KTN1: variants seen among roughly 807,000 people sequenced by gnomAD.
KTN1 encodes kinectin.
A neutral mutation model predicts 222.5 loss-of-function variants in KTN1; 130 were observed. The observed-to-expected ratio is 0.58, with a 90% CI of 0.51 to 0.68. The LOEUF (loss-of-function observed/expected upper bound fraction) is 0.68. Ranked by LOEUF, KTN1 falls within the 30% of genes least tolerant of loss-of-function variation. The pLI is 0.00. For missense variants in KTN1, 1,508 were observed against 1,500.4 expected, an observed-to-expected ratio of 1.01 and a Z score of -0.08; for synonymous variants, 512 against 496.3, an observed-to-expected ratio of 1.03 and a Z score of -0.42.
intron 2 of KTN1, among the ~76,000 whole-genome samples, chr14:55,614,811 A>G (rs1453644841): frequency 6.6e-6 from 1 of 152,182 alleles, no homozygotes; most frequent in African/African-American, 2.4e-5. Context: ...AAGTTTGCCA[A>G]CTTGTGCTTG....
intron 1 of KTN1, among the ~76,000 whole-genome samples, chr14:55,609,313 C>G (rs567569101): frequency 6.6e-6 from 1 of 152,284 alleles, no homozygotes; most frequent in East Asian, 1.9e-4. Context: ...ATCCATGTCC[C>G]TGCCGAGGAC....
At chr14:55,613,089 A>G (rs1364149430) in intron 2 of KTN1, among the ~76,000 whole-genome samples, 1 of 152,138 alleles carries the variant, frequency 6.6e-6, no homozygotes, top group Non-Finnish European at 1.5e-5. Context: ...CATTTATCAT[A>G]TATCTGTTTT....
intron 33 of KTN1, 43 bp from the exon 34 acceptor site, chr14:55,667,198 T>G (rs769579973): frequency 8.7e-7 from 1 of 1,148,338 alleles, no homozygotes; most frequent in Non-Finnish European, 1.3e-6. Flanking sequence ...TTAAAAACAT[T>G]CTGTGATCTT....
rs2037639959 is a variant in KTN1, at chr14:55,611,954, CTT to C, written c.-30-63_-30-62del. The C allele has an allele frequency of 6.9e-6, 5 of 725,134 alleles. No individual in the cohort carries two copies. The Admixed American group carries it at 9.7e-5, about 14-fold the overall frequency. The allele number at this position is 725,134 out of a possible 1,614,324, so 44.9% of individuals were successfully genotyped here. A position where few individuals can be genotyped will look rare whatever the true frequency, so the allele number is the denominator to read the frequency against. ...CCACTTGAAAGAGCAGCAGTTTTGA[CTT>C]TAATTTTTATGAGACTGACAGGTTC... On this transcript the variant is annotated intron_variant, in intron 1 of 43. Transcript: ENST00000395314.
In KTN1 at chr14:55,684,163, T is replaced by C. The variant is rs1476734478; in HGVS notation, c.*60T>C. 5.9e-6 allele frequency: 8 copies of C among 1,349,380 alleles called. No homozygotes were observed. Among genetic ancestry groups the C allele is most frequent in the Non-Finnish European group, 8.3e-6 (8 of 958,526 alleles). The allele number at this position is 1,349,380 out of a possible 1,614,324, so 83.6% of individuals were successfully genotyped here. A position where few individuals can be genotyped will look rare whatever the true frequency, so the allele number is the denominator to read the frequency against. On this transcript the variant is annotated 3_prime_UTR_variant, in exon 44 of 44. Coordinates refer to ENST00000395314, the MANE Select transcript of KTN1 (RefSeq NM_001079521.2). ...AGGCATTGTATTATATTTTGCCAAA[T>C]TAAAGCCTTATTTATGTTTTCACCC...
chr14:55,595,168 T>A (rs1421407893), intron 1 of KTN1, among the ~76,000 whole-genome samples: 2 of 145,672 alleles, frequency 1.4e-5, no homozygotes, highest in Non-Finnish European at 3.1e-5. Flanking sequence ...TATAGATCTG[T>A]TCCATATGAT....
At chr14:55,630,883 G>C (rs561944408) in intron 7 of KTN1, among the ~76,000 whole-genome samples, 2 of 152,264 alleles carry the variant, frequency 1.3e-5, no homozygotes, top group East Asian at 3.9e-4. Flanking sequence ...GAGAGAATGA[G>C]TTTGAGTATA....
At chr14:55,631,266 C>T (rs1391048164) in intron 7 of KTN1, among the ~76,000 whole-genome samples, 2 of 149,100 alleles carry the variant, frequency 1.3e-5, no homozygotes, top group Non-Finnish European at 3.0e-5. Context: ...CATCTGCTGG[C>T]TGATCCTTCA....
At chr14:55,642,488 A>G (rs959003672) in intron 18 of KTN1, among the ~76,000 whole-genome samples, 4 of 152,180 alleles carry the variant, frequency 2.6e-5, no homozygotes, top group Non-Finnish European at 4.4e-5. Context: ...CTCTTCTTCT[A>G]CGCAGCTCTT....
chr14:55,675,587 G>A (rs766839488), intron 40 of KTN1: 1 of 352,374 alleles, frequency 2.8e-6, no homozygotes, highest in Non-Finnish European at 5.1e-6. Flanking sequence ...GAATTTGATG[G>A]TTTTGTTTTT....
chr14:55,592,948 C>G (rs2034392450), intron 1 of KTN1, among the ~76,000 whole-genome samples: 1 of 152,040 alleles, frequency 6.6e-6, no homozygotes, highest in African/African-American at 2.4e-5. Context: ...GTCTTGGAGG[C>G]TAAGTTTATC....
At chr14:55,603,002 G>A (rs764384468) in intron 1 of KTN1, among the ~76,000 whole-genome samples, 3 of 152,136 alleles carry the variant, frequency 2.0e-5, no homozygotes, top group Non-Finnish European at 2.9e-5. Context: ...CCTGTCCTGG[G>A]TCTGTGCTTT....
intron 1 of KTN1, among the ~76,000 whole-genome samples, chr14:55,606,070 G>GT (rs979138610): frequency 2.6e-5 from 4 of 152,096 alleles, no homozygotes; most frequent in East Asian, 1.9e-4. Context: ...ATTACAGATA[G>GT]TTTTTTTTGT....
At chr14:55,629,882 C>T in intron 6 of KTN1, 75 bp from the exon 7 acceptor site, 1 of 924,026 alleles carries the variant, frequency 1.1e-6, no homozygotes. Context: ...TAAATAACAT[C>T]ATTGTTTATC....
At position 55,610,240 on chromosome 14, in the gene KTN1, C is replaced by G. The variant is rs141271997; in HGVS notation, c.-30-1779C>G. ...TTGGCTTCAGGACCCCTGTGTATAC[C>G]TAAATCTAAGCATGCTGGAAGTCCT... On this transcript the variant is annotated intron_variant, in intron 1 of 43. Transcript: ENST00000395314. Among the ~76,000 whole-genome samples, 377 of 152,174 alleles carry G rather than the reference C, an allele frequency of 2.5e-3. 3 individuals are homozygous for G. Among genetic ancestry groups the G allele is most frequent in the African/African-American group, 8.8e-3 (365 of 41,536 alleles).
In KTN1 at chr14:55,612,337, G is replaced by A; in HGVS notation, c.289G>A (p.Val97Ile). 1 of 1,614,138 alleles carries A rather than the reference G, an allele frequency of 6.2e-7. No homozygotes were observed. The highest frequency in any genetic ancestry group is 1.3e-5 in the African/African-American group (1 of 75,044). ...TGCTTTGGCAGTAGAAGATGATCAA[G>A]TTGCACCTGTTCCATTGAATGTCGT... The part of the protein sequence containing the change: ...SDALAVEDDQ[V>I]APVPLNVVET... Residue 97 changes from valine (V) to isoleucine (I), a missense_variant, in exon 2 of 44, where the codon GTT (valine) becomes ATT (isoleucine). Physicochemically the swap from Val to Ile is conservative, Grantham distance 29 (BLOSUM62 3). Transcript: ENST00000395314.
At chr14:55,669,926 T>G (rs186751431) in intron 34 of KTN1, among the ~76,000 whole-genome samples, 93 of 152,122 alleles carry the variant, frequency 6.1e-4, no homozygotes, top group Non-Finnish European at 9.9e-4. Flanking sequence ...TTTCTTAAAT[T>G]TAATCCAAAG....
chr14:55,652,007 T>TA, intron 25 of KTN1, 80 bp downstream of exon 25: 2 of 905,050 alleles, frequency 2.2e-6, no homozygotes, highest in South Asian at 3.2e-5. Context: ...TTATAGCTTC[T>TA]TGATTTCAAG....
rs753971372 is a variant in KTN1 at position 55,672,680 on chromosome 14, C to T, written c.3582C>T (p.Ser1194=). ...SSEQELERLR[S]ENKDIENLRR... is the part of the protein sequence containing the mutation. Reference sequence around the variant, plus strand: ...AACAAGAGCTAGAGCGATTAAGAAGCGAAAATAAGGATATTGAAAATGTAT... The same window carrying T: ...AACAAGAGCTAGAGCGATTAAGAAGTGAAAATAAGGATATTGAAAATGTAT... Residue 1194 remains serine, a synonymous_variant, in exon 38 of 44, where the codon AGC becomes AGT. Transcript: ENST00000395314. The T allele has an allele frequency of 3.9e-5, 63 of 1,599,134 alleles. No homozygotes were observed. Among genetic ancestry groups the T allele is most frequent in the Non-Finnish European group, 4.7e-5 (55 of 1,167,192 alleles).
Sources: gnomAD v4.1 joint callset for allele counts (sites outside exome capture counted in the v4.1 genomes callset) on GRCh38, gnomAD v4.1.1 for gene constraint, MANE v1.5 for transcripts, NCBI Gene and HGNC (gene_info 2026-07-23, HGNC 2026-07-21) for gene names.